Variants in ITPRID2 observed in about 807,000 individuals in gnomAD.
The protein encoded by ITPRID2 is protein ITPRID2.
A neutral mutation model predicts 124.3 loss-of-function variants in ITPRID2; 60 were observed. The observed-to-expected ratio is 0.48, with a 90% CI of 0.39 to 0.60. The LOEUF (loss-of-function observed/expected upper bound fraction) is 0.60, where lower values mean the gene tolerates loss of function less well. Among genes scored for constraint, ITPRID2 ranks in the 20% least tolerant of loss-of-function variants. The pLI is 0.00. For synonymous variants in ITPRID2, 521 were observed against 542.9 expected, an observed-to-expected ratio of 0.96 and a Z score of 0.56; for missense variants, 1,553 against 1,512.2, an observed-to-expected ratio of 1.03 and a Z score of -0.45.
chr2:181,899,254 A>G, intron 6 of ITPRID2, 142 bp downstream of exon 6: 1 of 618,486 alleles, frequency 1.6e-6, no homozygotes, highest in South Asian at 2.3e-5. Flanking sequence ...AGCACAACTG[A>G]TAGGAGCTTT....
Position 181,902,219 on chromosome 2 carries a change from A to G in ITPRID2, c.1166A>G (p.Gln389Arg). ...ISDEANSNFN[Q>R]GTENEQSKET... ...GATGAAGCAAATAGTAATTTTAACC[A>G]AGGAACTGAAAATGAACAAAGTAAA... Residue 389 changes from glutamine to arginine, a missense_variant, in exon 8 of 18, where the codon CAA becomes CGA. Gln to Arg is a conservative substitution (Grantham distance 43). Transcript: ENST00000431877. The surrounding 1 kb of genome is among the most constrained non-coding windows in gnomAD (Gnocchi z 4.4). 1 of 1,613,438 alleles carries G rather than the reference A, an allele frequency of 6.2e-7. No individual in the cohort carries two copies. Among genetic ancestry groups the G allele is most frequent in the African/African-American group, 1.3e-5 (1 of 75,014 alleles).
chr2:181,905,261 G>A lies in ITPRID2; in HGVS notation c.1413+2795G>A, dbSNP rs1303623389. On this transcript the variant is annotated intron_variant, in intron 8 of 17. Coordinates refer to ENST00000431877, the MANE Select transcript of ITPRID2 (RefSeq NM_001130445.3). This position sits in a 1 kb window ranked among gnomAD's most constrained non-coding sequence, Gnocchi z 4.1. Reference sequence around the variant, plus strand: ...AGATGGGGTTTCACTACGTTGGCCAGGCTGGTCTCAAACTCCTGACCTCGT... The same window carrying A: ...AGATGGGGTTTCACTACGTTGGCCAAGCTGGTCTCAAACTCCTGACCTCGT... Among the ~76,000 whole-genome samples, 3 of 151,972 alleles carry A rather than the reference G, an allele frequency of 2.0e-5. No homozygotes were observed. Among genetic ancestry groups the A allele is most frequent in the Admixed American group, 1.3e-4 (2 of 15,258 alleles).
In ITPRID2 at chr2:181,905,797, A is replaced by G. The variant is rs544746059; in HGVS notation, c.1413+3331A>G. Among the ~76,000 whole-genome samples the G allele has an allele frequency of 2.6e-5, 4 of 151,930 alleles. No individual in the cohort carries two copies. In the South Asian group the frequency reaches 6.2e-4, roughly 24 times the overall value. On this transcript the variant is annotated intron_variant, in intron 8 of 17. Transcript: ENST00000431877. The surrounding 1 kb of genome is among the most constrained non-coding windows in gnomAD (Gnocchi z 4.1). The stretch of plus-strand genomic sequence containing the variant: ...AGCTGTTAAGTTTTAGGATTTTTCT[A>G]TGTTTATTGGTCTGAGTTAAAATAA...
chr2:181,925,793 T>G (rs1694800547), intron 16 of ITPRID2, among the ~76,000 whole-genome samples: 1 of 152,008 alleles, frequency 6.6e-6, no homozygotes, highest in South Asian at 2.1e-4. Flanking sequence ...ACTCCCCTCT[T>G]ATTTGAGACC....
rs964078731 is a variant in ITPRID2 at position 181,896,136 on chromosome 2, C to T, written c.307+57C>T. ...TTTATGACAGTTCTACTTCTTTGTC[C>T]TCTGGGTAAAAGTGTATATATGACT... is the stretch of plus-strand genomic sequence containing the variant. On this transcript the variant is annotated intron_variant, in intron 3 of 17. Coordinates refer to ENST00000431877, the MANE Select transcript of ITPRID2 (RefSeq NM_001130445.3). The surrounding 1 kb of genome is among the most constrained non-coding windows in gnomAD (Gnocchi z 4.3). 5.5e-6 allele frequency: 8 copies of T among 1,463,138 alleles called. No homozygotes were observed. In the African/African-American group the frequency reaches 7.0e-5, roughly 13 times the overall value. The allele number at this position is 1,463,138 out of a possible 1,614,324, so 90.6% of individuals were successfully genotyped here.
rs542431804 is a variant in ITPRID2 at position 181,897,010 on chromosome 2, T to A, written c.364+46T>A. 9.0e-5 allele frequency: 137 copies of A among 1,530,392 alleles called. No homozygotes were observed. In the African/African-American group the frequency reaches 1.7e-3, roughly 19 times the overall value. 94.8% of individuals were successfully genotyped at this position (1,530,392 alleles called of 1,614,324 possible). A position where few individuals can be genotyped will look rare whatever the true frequency, so the allele number is the denominator to read the frequency against. On this transcript the variant is annotated intron_variant, in intron 4 of 17. Coordinates refer to ENST00000431877, the MANE Select transcript of ITPRID2 (RefSeq NM_001130445.3). Reference sequence around the variant, plus strand: ...TGTATTTTTGTGTAGTTTTCAAATTTAAAAAAAATGAGAAAGCTGAATGGT... The same window carrying A: ...TGTATTTTTGTGTAGTTTTCAAATTAAAAAAAAATGAGAAAGCTGAATGGT...
At chr2:181,913,051 C>A (rs1295854382) in intron 9 of ITPRID2, among the ~76,000 whole-genome samples, 2 of 151,976 alleles carry the variant, frequency 1.3e-5, no homozygotes, top group Admixed American at 6.6e-5. Flanking sequence ...AATTTACTGG[C>A]CTTAATTGTA....
Position 181,919,776 on chromosome 2 carries a change from C to T in ITPRID2, c.3144+330C>T, listed in dbSNP as rs543380512. Among the ~76,000 whole-genome samples, 104 of 151,778 alleles carry T rather than the reference C, an allele frequency of 6.9e-4. 4 individuals are homozygous for T. In the South Asian group the frequency reaches 0.02, roughly 29 times the overall value. On this transcript the variant is annotated intron_variant, in intron 14 of 17. Transcript: ENST00000431877. The surrounding 1 kb of genome is among the most constrained non-coding windows in gnomAD (Gnocchi z 4.2). ...TGTAAATTTTAATTGTTGCATGTAA[C>T]TGCAGAGAACACAGATGCATATTTT...
At chr2:181,917,176 T>C in intron 11 of ITPRID2, 1 of 186,942 alleles carries the variant, frequency 5.3e-6, no homozygotes, top group Non-Finnish European at 1.0e-5. Context: ...GAATGAATCA[T>C]GTTTAGACAA....
Position 181,926,221 on chromosome 2 carries a change from G to A in ITPRID2, c.3676-1940G>A, listed in dbSNP as rs534862890. On this transcript the variant is annotated intron_variant, in intron 16 of 17. Transcript: ENST00000431877. ...AGAGGTTGCAGTGAGCCGAGATTGC[G>A]CCCCTACACTCCACTCTGGATGACA... is the stretch of plus-strand genomic sequence containing the variant. Among the ~76,000 whole-genome samples the A allele has an allele frequency of 1.6e-3, 241 of 150,066 alleles. 2 individuals carry two copies. Among genetic ancestry groups the A allele is most frequent in the Admixed American group, 0.015 (226 of 15,140 alleles).
chr2:181,915,216 G>T lies in ITPRID2; in HGVS notation c.1576G>T (p.Val526Phe). The T allele has an allele frequency of 6.2e-7, 1 of 1,612,410 alleles. No homozygotes were observed. The highest frequency in any genetic ancestry group is 8.5e-7 in the Non-Finnish European group (1 of 1,179,160). Residue 526 changes from valine (V) to phenylalanine (F), a missense_variant and splice_region_variant, in exon 11 of 18, where the codon GTT becomes TTT. By Grantham distance (50) the Val-to-Phe change is conservative. Transcript: ENST00000431877. ...CTTTCCACCTATTTTCTTTTCACAG[G>T]TTCAGGAGTCCTTGCAGGCTATGGG... ...TDCLSLNHLQ[V>F]QESLQAMGSS...
intron 9 of ITPRID2, 122 bp from the exon 10 acceptor site, chr2:181,913,721 TTG>T (rs1202495755): frequency 4.9e-6 from 3 of 609,592 alleles, no homozygotes; most frequent in African/African-American, 1.9e-5. Context: ...CAGTCAAATA[TTG>T]TGTATCTTAT....
chr2:181,910,755 T>C lies in ITPRID2; in HGVS notation c.1486+784T>C, dbSNP rs1693542071. 1.9e-6 allele frequency: 1 copy of C among 528,168 alleles called. No homozygotes were observed. Among genetic ancestry groups the C allele is most frequent in the Non-Finnish European group, 3.4e-6 (1 of 293,008 alleles). The allele number at this position is 528,168 out of a possible 1,614,324, so 32.7% of individuals were successfully genotyped here. The stretch of plus-strand genomic sequence containing the variant: ...TTTGTTGTCTCCTGATCTCTGAAAT[T>C]ACTTCACAGGAGACAATTTGCATAA... On this transcript the variant is annotated intron_variant, in intron 9 of 17. Coordinates refer to ENST00000431877, the MANE Select transcript of ITPRID2 (RefSeq NM_001130445.3). The surrounding 1 kb of genome is among the most constrained non-coding windows in gnomAD (Gnocchi z 4.1).
In ITPRID2 at chr2:181,892,637, C is replaced by A. The variant is rs142685374; in HGVS notation, c.234C>A (p.Ile78=). Residue 78 remains isoleucine (I), a synonymous_variant, in exon 2 of 18, where the codon ATC becomes ATA. Coordinates refer to ENST00000431877, the MANE Select transcript of ITPRID2 (RefSeq NM_001130445.3). This position sits in a 1 kb window ranked among gnomAD's most constrained non-coding sequence, Gnocchi z 5.2. ...CAGGAAACGTGCCCAACGAGAAGATCGCGATATGGCTCAAGGACTGCCGGT... is the reference window on the plus strand; with the variant it reads ...CAGGAAACGTGCCCAACGAGAAGATAGCGATATGGCTCAAGGACTGCCGGT... The part of the protein sequence containing the change: ...GGRGNVPNEK[I]AIWLKDCRTP... The A allele has an allele frequency of 1.9e-6, 3 of 1,614,142 alleles. No individual in the cohort carries two copies. The highest frequency in any genetic ancestry group is 2.5e-6 in the Non-Finnish European group (3 of 1,180,006).
rs549243022 is a variant in ITPRID2 at position 181,920,524 on chromosome 2, C to G, written c.3145-73C>G. The G allele has an allele frequency of 6.5e-6, 7 of 1,081,714 alleles. No homozygotes were observed. In the East Asian group the frequency reaches 1.9e-4, roughly 30 times the overall value. The allele number at this position is 1,081,714 out of a possible 1,614,324, so 67.0% of individuals were successfully genotyped here. On this transcript the variant is annotated intron_variant, in intron 14 of 17. Coordinates refer to ENST00000431877, the MANE Select transcript of ITPRID2 (RefSeq NM_001130445.3). Reference sequence around the variant, plus strand: ...TGTGATTTGAAAAAATATATATGTACATTATAATTATATATGCATGTATGT... The same window carrying G: ...TGTGATTTGAAAAAATATATATGTAGATTATAATTATATATGCATGTATGT...
chr2:181,901,775 G>T lies in ITPRID2; in HGVS notation c.722G>T (p.Arg241Leu), dbSNP rs1354136648. The stretch of plus-strand genomic sequence containing the variant: ...TTGTTTCTTTTGGTAGGCCGTTTTC[G>T]TCAAATTGAAGTGCTTACTACTGTG... ...NPNYALTSRF[R>L]QIEVLTTVAN... The change falls in exon 8 of 18, where the codon CGT (arginine) becomes CTT (leucine). Residue 241 changes from arginine to leucine, a missense_variant. Arg to Leu is a moderately radical substitution (Grantham distance 102, BLOSUM62 -2). Coordinates refer to ENST00000431877, the MANE Select transcript of ITPRID2 (RefSeq NM_001130445.3). 6.3e-7 allele frequency: 1 copy of T among 1,578,068 alleles called. No individual in the cohort carries two copies. Among genetic ancestry groups the T allele is most frequent in the African/African-American group, 1.4e-5 (1 of 73,216 alleles).
chr2:181,891,857 T>G lies in ITPRID2; in HGVS notation c.-210T>G, dbSNP rs1273172910. ...CGCTCCCGCGCGCGCCCGGCCGCCTTCATGTGAAGCGCCGGCCCTCCGCCC... is the reference window on the plus strand; with the variant it reads ...CGCTCCCGCGCGCGCCCGGCCGCCTGCATGTGAAGCGCCGGCCCTCCGCCC... On this transcript the variant is annotated 5_prime_UTR_variant, in exon 1 of 18. Coordinates refer to ENST00000431877, the MANE Select transcript of ITPRID2 (RefSeq NM_001130445.3). 5 of 331,876 alleles carry G rather than the reference T, an allele frequency of 1.5e-5. No homozygotes were observed. Among genetic ancestry groups the G allele is most frequent in the Non-Finnish European group, 2.3e-5 (4 of 177,692 alleles). 20.6% of individuals were successfully genotyped at this position (331,876 alleles called of 1,614,324 possible).
Position 181,922,073 on chromosome 2 carries a change from A to G in ITPRID2, c.3336A>G (p.Glu1112=). Residue 1112 remains glutamate (E), a synonymous_variant, in exon 16 of 18, where the codon GAA becomes GAG. Transcript: ENST00000431877. ...SESVFSQATS[E]SSSVCSGPSH... ...CTGTTTTTTCCCAAGCAACATCAGA[A>G]TCATCTTCTGTATGTTCTGGTCCCT... 1 of 1,614,238 alleles carries G rather than the reference A, an allele frequency of 6.2e-7. No homozygotes were observed. The highest frequency in any genetic ancestry group is 8.5e-7 in the Non-Finnish European group (1 of 1,180,040).
intron 16 of ITPRID2, among the ~76,000 whole-genome samples, chr2:181,926,645 G>A (rs1213081134): frequency 2.7e-5 from 4 of 150,278 alleles, no homozygotes; most frequent in Middle Eastern, 3.2e-3. Flanking sequence ...CCCAGGAGGC[G>A]GAGCTTGCAG....
Sources: allele counts gnomAD v4.1 joint callset (sites outside exome capture counted in the v4.1 genomes callset), GRCh38; gene constraint gnomAD v4.1.1; non-coding constraint Gnocchi (gnomAD v3.1); transcripts MANE v1.5; gene names NCBI Gene and HGNC (gene_info 2026-07-23, HGNC 2026-07-21).